Variants in NAALADL2 observed in about 807,000 individuals in gnomAD.
NAALADL2 encodes N-acetylated alpha-linked acidic dipeptidase like 2, also known as inactive N-acetylated-alpha-linked acidic dipeptidase-like protein 2.
Under a neutral mutation model 87.2 loss-of-function variants are expected in NAALADL2, and 76 were observed. That is an observed-to-expected ratio of 0.87 (90% CI 0.72 to 1.05). NAALADL2 has a LOEUF of 1.05. NAALADL2 is among the 50% of genes least tolerant of loss of function. The probability of loss-of-function intolerance (pLI) is 0.00; values close to 1 mark genes in which losing one functional copy is unlikely to be tolerated. For synonymous variants in NAALADL2, 354 were observed against 331.0 expected (o/e 1.07, Z -0.75); for missense variants, 1,089 against 945.8 (o/e 1.15, Z -1.99).
intron 2 of NAALADL2, among the ~76,000 whole-genome samples, chr3:175,166,471 G>A (rs931744436): frequency 1.9e-4 from 29 of 151,884 alleles, no homozygotes; most frequent in African/African-American, 5.6e-4. Flanking sequence ...AAATCTTTCC[G>A]TCTTGATCCT....
At chr3:175,300,843 A>G (rs962037856) in intron 4 of NAALADL2, among the ~76,000 whole-genome samples, 3 of 151,226 alleles carry the variant, frequency 2.0e-5, no homozygotes, top group Non-Finnish European at 2.9e-5. Flanking sequence ...CCCAGGTTCA[A>G]GAGATTCCTC....
chr3:174,916,138 G>A (rs1232817234), intron 1 of NAALADL2, among the ~76,000 whole-genome samples: 1 of 151,950 alleles, frequency 6.6e-6, no homozygotes. Flanking sequence ...CGCTAATCAT[G>A]GAAATACAAA....
intron 2 of NAALADL2, 35 bp from the exon 3 acceptor site, chr3:175,233,895 CT>C (rs1463746410): frequency 7.8e-7 from 1 of 1,276,344 alleles, no homozygotes; most frequent in Non-Finnish European, 1.1e-6. Flanking sequence ...AAGTATTCTC[CT>C]TTTTAAAAAA....
In NAALADL2 at chr3:174,771,522, G is replaced by A. The variant is rs182768955; in HGVS notation, c.-9+33776G>A. On this transcript the variant is annotated intron_variant, in intron 3 of 3. Coordinates refer to the NAALADL2 transcript ENST00000434257. The stretch of plus-strand genomic sequence containing the variant: ...TGGTTAGGGTGTAGAGAGACACTGG[G>A]TATTGCTAATGTGTCGGGTGCATGA... Among the ~76,000 whole-genome samples the A allele has an allele frequency of 2.6e-3, 396 of 152,296 alleles. 5 individuals are homozygous for A. Among genetic ancestry groups the A allele is most frequent in the African/African-American group, 9.1e-3 (378 of 41,562 alleles).
intron 5 of NAALADL2, among the ~76,000 whole-genome samples, chr3:175,327,153 T>C (rs911168408): frequency 2.2e-4 from 22 of 99,118 alleles, no homozygotes; most frequent in East Asian, 6.3e-4. Context: ...CATTTCTTTT[T>C]TTTTTTTTTT....
chr3:174,987,303 C>T (rs996966028), intron 1 of NAALADL2, among the ~76,000 whole-genome samples: 1 of 151,994 alleles, frequency 6.6e-6, no homozygotes, highest in Non-Finnish European at 1.5e-5. Context: ...GGCGCGGTGG[C>T]TCACGCCTGT....
chr3:175,753,848 T>G (rs916082805), intron 12 of NAALADL2, among the ~76,000 whole-genome samples: 1 of 152,164 alleles, frequency 6.6e-6, no homozygotes, highest in African/African-American at 2.4e-5. Context: ...GCCTCCATTC[T>G]TCACACCATC....
At chr3:175,663,617 A>G (rs1732571837) in intron 11 of NAALADL2, among the ~76,000 whole-genome samples, 1 of 151,780 alleles carries the variant, frequency 6.6e-6, no homozygotes, top group Admixed American at 6.6e-5. Flanking sequence ...TTGTATCATG[A>G]AAAAGAATAA....
chr3:174,933,617 C>G (rs916342877), intron 1 of NAALADL2, among the ~76,000 whole-genome samples: 26 of 152,170 alleles, frequency 1.7e-4, no homozygotes, highest in African/African-American at 6.0e-4. Context: ...AATAAATAAC[C>G]AATAAAATAG....
chr3:174,581,490 A>G (rs6777471), intron 2 of NAALADL2, among the ~76,000 whole-genome samples: 47,705 of 151,970 alleles, frequency 0.31, 9,430 homozygotes, highest in East Asian at 0.76. Context: ...AGTGCAAGCA[A>G]CTTATTATCA....
At chr3:175,382,165 T>C (rs1767859999) in intron 5 of NAALADL2, among the ~76,000 whole-genome samples, 1 of 152,114 alleles carries the variant, frequency 6.6e-6, no homozygotes, top group Admixed American at 6.6e-5. Context: ...GGATAAGCAC[T>C]GAAAATGGTT....
chr3:174,956,578 C>G (rs1392706073), intron 1 of NAALADL2, among the ~76,000 whole-genome samples: 1 of 152,030 alleles, frequency 6.6e-6, no homozygotes, highest in Admixed American at 6.6e-5. Flanking sequence ...AACAAATTGC[C>G]TGCCACATAT....
intron 3 of NAALADL2, among the ~76,000 whole-genome samples, chr3:174,817,760 A>C (rs1255415299): frequency 6.6e-6 from 1 of 152,188 alleles, no homozygotes; most frequent in Non-Finnish European, 1.5e-5. Flanking sequence ...TTAATCTTAC[A>C]AGCATACTTT....
intron 5 of NAALADL2, among the ~76,000 whole-genome samples, chr3:175,395,184 G>A (rs921970192): frequency 6.6e-6 from 1 of 152,066 alleles, no homozygotes; most frequent in Non-Finnish European, 1.5e-5. Flanking sequence ...TGGACAGGGA[G>A]ATCATTCACA....
chr3:175,540,966 A>G (rs975112204), intron 9 of NAALADL2, among the ~76,000 whole-genome samples: 1 of 152,186 alleles, frequency 6.6e-6, no homozygotes, highest in Admixed American at 6.5e-5. Context: ...ACAAACTGAG[A>G]GAGATAAGAT....
chr3:175,239,631 A>C (rs562771077), intron 3 of NAALADL2, among the ~76,000 whole-genome samples: 3 of 152,296 alleles, frequency 2.0e-5, no homozygotes, highest in African/African-American at 7.2e-5. Context: ...TAAGCCAAGT[A>C]ATGCAGTTTT....
intron 2 of NAALADL2, among the ~76,000 whole-genome samples, chr3:175,209,613 C>T (rs1741462769): frequency 6.6e-6 from 1 of 151,732 alleles, no homozygotes; most frequent in Non-Finnish European, 1.5e-5. Flanking sequence ...ACATGATCAA[C>T]AAAAGATTAA....
intron 2 of NAALADL2, among the ~76,000 whole-genome samples, chr3:175,169,605 CT>C (rs1021487083): frequency 6.6e-6 from 1 of 151,512 alleles, no homozygotes; most frequent in African/African-American, 2.4e-5. Context: ...TTTTGTAGTT[CT>C]TTTTTTCCAA....
At chr3:174,458,607 G>A (rs963672445) in intron 1 of NAALADL2, 4 of 152,084 alleles carry the variant, frequency 2.6e-5, no homozygotes, top group African/African-American at 4.8e-5. Flanking sequence ...GTAGGTCAAG[G>A]GAATCAATAA....
Sources: allele counts gnomAD v4.1 joint callset (sites outside exome capture counted in the v4.1 genomes callset), GRCh38; gene constraint gnomAD v4.1.1; transcripts MANE v1.5; gene names NCBI Gene and HGNC (gene_info 2026-07-23, HGNC 2026-07-21).